PLXDC2: variants seen among roughly 807,000 people sequenced by gnomAD.
The protein encoded by PLXDC2 is plexin domain containing 2.
In PLXDC2, 40 loss-of-function variants were observed where a neutral mutation model predicts 68.9. The observed-to-expected ratio is 0.58, with a 90% confidence interval of 0.45 to 0.76. The LOEUF (loss-of-function observed/expected upper bound fraction) is 0.76, where lower values mean the gene tolerates loss of function less well. Ranked by LOEUF, PLXDC2 falls within the 30% of genes least tolerant of loss-of-function variation. PLXDC2 has a pLI of 0.00. For missense variants in PLXDC2, 644 were observed against 661.9 expected (o/e 0.97, Z 0.30); for synonymous variants, 243 against 234.2 (o/e 1.04, Z -0.34).
intron 1 of PLXDC2, among the ~76,000 whole-genome samples, chr10:19,892,419 C>T (rs1432384988): frequency 6.6e-6 from 1 of 152,154 alleles, no homozygotes; most frequent in Non-Finnish European, 1.5e-5. Context: ...ACTACCCGCC[C>T]AGTGCTGATA....
chr10:19,894,051 T>C (rs1185740258), intron 1 of PLXDC2, among the ~76,000 whole-genome samples: 1 of 152,088 alleles, frequency 6.6e-6, no homozygotes, highest in Non-Finnish European at 1.5e-5. Flanking sequence ...GAGGAGGAAG[T>C]CAATGCCCAA....
At chr10:20,228,837 A>C (rs1265879804) in intron 12 of PLXDC2, among the ~76,000 whole-genome samples, 20 of 152,198 alleles carry the variant, frequency 1.3e-4, no homozygotes, top group Non-Finnish European at 1.5e-5. Flanking sequence ...AGTAGTGAAC[A>C]GTGTCAATGC....
chr10:20,092,484 A>AT (rs1207135933), intron 4 of PLXDC2, among the ~76,000 whole-genome samples: 1 of 152,192 alleles, frequency 6.6e-6, no homozygotes, highest in Non-Finnish European at 1.5e-5. Flanking sequence ...GGTTTTCAAA[A>AT]TTTAAAAAGA....
intron 1 of PLXDC2, among the ~76,000 whole-genome samples, chr10:19,949,439 G>A (rs553213117): frequency 6.6e-6 from 1 of 152,126 alleles, no homozygotes; most frequent in Non-Finnish European, 1.5e-5. Context: ...GAGAATACAT[G>A]AGGCTGGATG....
At chr10:20,072,446 A>T in intron 4 of PLXDC2, among the ~76,000 whole-genome samples, 1 of 148,928 alleles carries the variant, frequency 6.7e-6, no homozygotes, top group African/African-American at 2.5e-5. Context: ...AGAAAGAAGG[A>T]AAGAAAGAAA....
chr10:20,286,126 A>G lies in PLXDC2; in HGVS notation c.*6307A>G, dbSNP rs1389218669. On this transcript the variant is annotated 3_prime_UTR_variant, in exon 14 of 14. Coordinates refer to ENST00000377252, the MANE Select transcript of PLXDC2 (RefSeq NM_032812.9). ...GGAATACATCATCATTGGCTTCTTC[A>G]TAATATATTTATTATGAGTGACCAA... 3 of 152,196 alleles carry G rather than the reference A, an allele frequency of 2.0e-5. No homozygotes were observed. Among genetic ancestry groups the G allele is most frequent in the East Asian group, 1.9e-4 (1 of 5,202 alleles). 9.4% of individuals were successfully genotyped at this position (152,196 alleles called of 1,614,324 possible).
intron 1 of PLXDC2, among the ~76,000 whole-genome samples, chr10:19,985,763 A>G (rs1432953596): frequency 6.6e-6 from 1 of 152,230 alleles, no homozygotes; most frequent in Non-Finnish European, 1.5e-5. Flanking sequence ...GAAGTCAATA[A>G]TAGCGGAGGT....
chr10:20,180,534 A>G (rs571551212), intron 9 of PLXDC2, among the ~76,000 whole-genome samples: 22 of 152,136 alleles, frequency 1.4e-4, no homozygotes, highest in African/African-American at 4.8e-4. Context: ...GTCTTATCCT[A>G]AGCAGCACAA....
At chr10:20,232,893 AAAGT>A (rs1835384059) in intron 12 of PLXDC2, among the ~76,000 whole-genome samples, 3 of 152,164 alleles carry the variant, frequency 2.0e-5, no homozygotes, top group Admixed American at 2.0e-4. Context: ...GGCCTCTGTA[AAAGT>A]AAAAAAAGAA....
At chr10:19,869,710 G>T (rs1399587083) in intron 1 of PLXDC2, among the ~76,000 whole-genome samples, 1 of 151,856 alleles carries the variant, frequency 6.6e-6, no homozygotes, top group African/African-American at 2.4e-5. Flanking sequence ...TATCTGAAGT[G>T]TTTTATTTTT....
At chr10:20,259,335 A>T (rs1400142809) in intron 13 of PLXDC2, among the ~76,000 whole-genome samples, 1 of 152,210 alleles carries the variant, frequency 6.6e-6, no homozygotes, top group Non-Finnish European at 1.5e-5. Context: ...TAAATGCAAA[A>T]AGAGTCCTTG....
At chr10:20,255,635 A>T (rs1275553430) in intron 13 of PLXDC2, among the ~76,000 whole-genome samples, 1 of 152,094 alleles carries the variant, frequency 6.6e-6, no homozygotes, top group African/African-American at 2.4e-5. Context: ...AACTAAACTA[A>T]ATTAGTTTAT....
intron 1 of PLXDC2, among the ~76,000 whole-genome samples, chr10:19,849,759 A>G (rs746937641): frequency 6.6e-6 from 1 of 152,218 alleles, no homozygotes. Flanking sequence ...GTGAGAACAG[A>G]CTAATACAGT....
At chr10:19,918,528 A>C (rs766943965) in intron 1 of PLXDC2, among the ~76,000 whole-genome samples, 1 of 152,208 alleles carries the variant, frequency 6.6e-6, no homozygotes, top group Non-Finnish European at 1.5e-5. Context: ...CATTAAACAC[A>C]AGTTGAGCAA....
At chr10:19,832,149 T>C (rs980048202) in intron 1 of PLXDC2, among the ~76,000 whole-genome samples, 1 of 152,246 alleles carries the variant, frequency 6.6e-6, no homozygotes, top group African/African-American at 2.4e-5. Context: ...CTTTTGTTTA[T>C]TGGGGTTCTC....
At position 20,119,176 on chromosome 10, in the gene PLXDC2, A is replaced by T. The variant is rs577972905; in HGVS notation, c.542-24119A>T. Among the ~76,000 whole-genome samples the T allele has an allele frequency of 1.8e-3, 268 of 152,254 alleles. 1 individual carries two copies. The highest frequency in any genetic ancestry group is 3.4e-3 in the Middle Eastern group (1 of 294). Reference sequence around the variant, plus strand: ...GAGACATGTGCTGAGTTGAAGGGAAAGGGTGATGCATTCTGAAGTAGTAAT... The same window carrying T: ...GAGACATGTGCTGAGTTGAAGGGAATGGGTGATGCATTCTGAAGTAGTAAT... On this transcript the variant is annotated intron_variant, in intron 4 of 13. Transcript: ENST00000377252.
intron 1 of PLXDC2, among the ~76,000 whole-genome samples, chr10:19,875,456 A>G (rs1837614421): frequency 6.6e-6 from 1 of 152,252 alleles, no homozygotes; most frequent in East Asian, 1.9e-4. Flanking sequence ...TTTAAGTAGA[A>G]TTTTTGAATA....
At chr10:20,140,339 A>G in intron 4 of PLXDC2, among the ~76,000 whole-genome samples, 1 of 151,498 alleles carries the variant, frequency 6.6e-6, no homozygotes, top group Non-Finnish European at 1.5e-5. Flanking sequence ...ACAAACAAAC[A>G]AACATATTGC....
chr10:20,092,521 AATTTTGGAAATAT>A (rs1335398620), intron 4 of PLXDC2, among the ~76,000 whole-genome samples: 1 of 152,174 alleles, frequency 6.6e-6, no homozygotes, highest in Non-Finnish European at 1.5e-5. Context: ...AAGGTGTTTA[AATTTTGGAAATAT>A]ATTTTGGACA....
Sources: allele counts gnomAD v4.1 joint callset (sites outside exome capture counted in the v4.1 genomes callset), GRCh38; gene constraint gnomAD v4.1.1; transcripts MANE v1.5; gene names NCBI Gene and HGNC (gene_info 2026-07-23, HGNC 2026-07-21).